Variants in DAB1 observed in about 807,000 individuals in gnomAD.
DAB1 encodes the protein DAB adaptor protein 1, also known as disabled homolog 1.
Under a neutral mutation model 64.6 loss-of-function variants are expected in DAB1, and 15 were observed. That is an observed-to-expected ratio of 0.23 (90% CI 0.16 to 0.36). The LOEUF (loss-of-function observed/expected upper bound fraction) is 0.36, where lower values mean the gene tolerates loss of function less well. Among genes scored for constraint, DAB1 ranks in the 10% least tolerant of loss-of-function variants. The pLI, the probability that DAB1 is intolerant of heterozygous loss-of-function variation, is 1.00. For synonymous variants in DAB1, 235 were observed against 251.9 expected (o/e 0.93, Z 0.64); for missense variants, 596 against 706.7 (o/e 0.84, Z 1.78).
At chr1:58,456,054 C>T (rs1404834273) in intron 3 of DAB1, among the ~76,000 whole-genome samples, 1 of 152,248 alleles carries the variant, frequency 6.6e-6, no homozygotes, top group South Asian at 2.1e-4. Flanking sequence ...CGGGCATCTA[C>T]CTCACTTAGT....
At chr1:57,721,318 C>G (rs1033506737) in intron 6 of DAB1, among the ~76,000 whole-genome samples, 1 of 152,046 alleles carries the variant, frequency 6.6e-6, no homozygotes, top group African/African-American at 2.4e-5. Context: ...TACAGAGAAG[C>G]AAACTATAAA....
At chr1:57,059,129 T>G (rs1164627385) in intron 9 of DAB1, among the ~76,000 whole-genome samples, 1 of 152,212 alleles carries the variant, frequency 6.6e-6, no homozygotes, top group African/African-American at 2.4e-5. Flanking sequence ...TAGCAACATG[T>G]GGATATGTTC....
intron 5 of DAB1, among the ~76,000 whole-genome samples, chr1:58,021,012 C>T (rs949855825): frequency 5.9e-5 from 9 of 152,044 alleles, no homozygotes; most frequent in African/African-American, 1.9e-4. Flanking sequence ...CCCTGCGCCC[C>T]GCACCCAAAA....
chr1:57,876,614 G>C (rs888839669), intron 1 of DAB1: 1 of 152,136 alleles, frequency 6.6e-6, no homozygotes, highest in African/African-American at 2.4e-5. Flanking sequence ...GTCACAGCCC[G>C]AGTGCCCTCT....
intron 2 of DAB1, among the ~76,000 whole-genome samples, chr1:57,290,006 T>G (rs1393057585): frequency 6.6e-6 from 1 of 152,262 alleles, no homozygotes; most frequent in Non-Finnish European, 1.5e-5. Flanking sequence ...CAAATCTTCA[T>G]TGCCAGATAT....
chr1:57,811,257 C>T (rs1007907355), intron 6 of DAB1, among the ~76,000 whole-genome samples: 5 of 152,172 alleles, frequency 3.3e-5, no homozygotes, highest in Non-Finnish European at 4.4e-5. Flanking sequence ...TCCCCAATGT[C>T]GAAGGTGGGG....
At chr1:57,977,710 C>A (rs77142620) in intron 5 of DAB1, among the ~76,000 whole-genome samples, 1 of 129,400 alleles carries the variant, frequency 7.7e-6, no homozygotes, top group East Asian at 2.3e-4. Flanking sequence ...CTGACGACAT[C>A]CCCCGGACCC....
intron 5 of DAB1, among the ~76,000 whole-genome samples, chr1:57,908,775 G>A (rs1644596596): frequency 1.3e-5 from 2 of 152,246 alleles, no homozygotes; most frequent in African/African-American, 4.8e-5. Flanking sequence ...CTCAGCTGAG[G>A]CCCTGGGCTT....
At position 57,995,773 on chromosome 1, in the gene DAB1, A is replaced by G. The variant is rs1046857446; in HGVS notation, n.388-111611T>C. On this transcript the variant is annotated intron_variant and non_coding_transcript_variant, in intron 5 of 20. Coordinates refer to the DAB1 transcript ENST00000485760. ...ACTTTGAAAGTTTAAAGACTTGAAA[A>G]TGAGGCCAGCAGGGGTCTTTAAATT... Among the ~76,000 whole-genome samples, 22 of 152,186 alleles carry G rather than the reference A, an allele frequency of 1.4e-4. 1 individual carries two copies. The highest frequency in any genetic ancestry group is 5.3e-4 in the African/African-American group (22 of 41,554).
chr1:57,870,415 T>C (rs1643923319), intron 1 of DAB1, among the ~76,000 whole-genome samples: 1 of 152,016 alleles, frequency 6.6e-6, no homozygotes, highest in Admixed American at 6.6e-5. Flanking sequence ...GGAGGAAGCA[T>C]TTAATGTGAT....
chr1:57,386,263 A>G (rs904183270), intron 1 of DAB1, among the ~76,000 whole-genome samples: 2 of 151,382 alleles, frequency 1.3e-5, no homozygotes, highest in Non-Finnish European at 2.9e-5. Context: ...CAGAGTCTTT[A>G]TCCTTCAAGG....
At chr1:58,235,072 T>C (rs1659955741) in intron 4 of DAB1, among the ~76,000 whole-genome samples, 1 of 152,236 alleles carries the variant, frequency 6.6e-6, no homozygotes, top group Non-Finnish European at 1.5e-5. Context: ...ATCCGGCCCC[T>C]CGCCACACAC....
upstream of DAB1, among the ~76,000 whole-genome samples, chr1:57,424,488 G>C (rs1481528361): frequency 6.6e-6 from 1 of 152,182 alleles, no homozygotes; most frequent in African/African-American, 2.4e-5. Context: ...GAGAGGGTAA[G>C]GGAGGGGGGT....
At chr1:57,981,251 G>A (rs1248163208) in intron 5 of DAB1, among the ~76,000 whole-genome samples, 1 of 151,820 alleles carries the variant, frequency 6.6e-6, no homozygotes. Flanking sequence ...TATAGGGAAA[G>A]GATATAACTC....
At chr1:57,928,203 C>T (rs547965848) in intron 5 of DAB1, among the ~76,000 whole-genome samples, 1 of 152,234 alleles carries the variant, frequency 6.6e-6, no homozygotes, top group South Asian at 2.1e-4. Context: ...ACATTGCTAT[C>T]AGCCCAAAAA....
intron 14 of DAB1, among the ~76,000 whole-genome samples, chr1:57,002,123 A>C (rs1645891219): frequency 6.6e-6 from 1 of 152,330 alleles, no homozygotes; most frequent in South Asian, 2.1e-4. Flanking sequence ...TAATATCTTT[A>C]TTTTTAGATA....
At chr1:57,743,672 C>G (rs1347634040) in intron 6 of DAB1, among the ~76,000 whole-genome samples, 1 of 152,280 alleles carries the variant, frequency 6.6e-6, no homozygotes, top group African/African-American at 2.4e-5. Flanking sequence ...CTTCACCTGA[C>G]TCTGCCGAGA....
chr1:57,919,411 G>A (rs1323701614), intron 5 of DAB1, among the ~76,000 whole-genome samples: 3 of 152,330 alleles, frequency 2.0e-5, no homozygotes, highest in Non-Finnish European at 4.4e-5. Flanking sequence ...CAGGATCATA[G>A]GACAGATAAA....
intron 7 of DAB1, among the ~76,000 whole-genome samples, chr1:57,552,810 A>C (rs2101479433): frequency 6.6e-6 from 1 of 152,316 alleles, no homozygotes; most frequent in East Asian, 1.9e-4. Context: ...ATTTATGCTC[A>C]TTCCTAGAGG....
Sources: gnomAD v4.1 joint callset for allele counts (sites outside exome capture counted in the v4.1 genomes callset) on GRCh38, gnomAD v4.1.1 for gene constraint, MANE v1.5 for transcripts, NCBI Gene and HGNC (gene_info 2026-07-23, HGNC 2026-07-21) for gene names.